Variants in DYRK1A observed in about 807,000 individuals in gnomAD.
DYRK1A encodes the protein dual specificity tyrosine-phosphorylation-regulated kinase 1A.
DYRK1A carries 9 observed loss-of-function variants against 79.7 expected under a neutral mutation model. That is an observed-to-expected ratio of 0.11 (90% CI 0.07 to 0.20). The LOEUF is 0.20. Ranked by LOEUF, DYRK1A falls within the 10% of genes least tolerant of loss-of-function variation. The probability of loss-of-function intolerance (pLI) is 1.00; values close to 1 mark genes in which losing one functional copy is unlikely to be tolerated. For synonymous variants in DYRK1A, 349 were observed against 329.7 expected, an observed-to-expected ratio of 1.06 and a Z score of -0.63; for missense variants, 622 against 956.0, an observed-to-expected ratio of 0.65 and a Z score of 4.61.
Position 37,523,776 on chromosome 21 carries a change from G to A in DYRK1A, c.*11245G>A, listed in dbSNP as rs1453276024. On this transcript the variant is annotated 3_prime_UTR_variant, in exon 12 of 12. Transcript: ENST00000647188. ...GAAATTATATGACATTTGAATTTCA[G>A]TGTCCATAAATGAAGTTTTATTGGA... 3 of 152,206 alleles carry A rather than the reference G, an allele frequency of 2.0e-5. No individual in the cohort carries two copies. The highest frequency in any genetic ancestry group is 4.4e-5 in the Non-Finnish European group (3 of 68,036). The allele number at this position is 152,206 out of a possible 1,614,324, so 9.4% of individuals were successfully genotyped here.
rs769854828 is a variant in DYRK1A at position 37,490,268 on chromosome 21, A to G, written c.731A>G (p.Asn244Ser). The G allele has an allele frequency of 2.5e-6, 4 of 1,613,838 alleles. No homozygotes were observed. The highest frequency in any genetic ancestry group is 1.1e-5 in the South Asian group (1 of 91,074). The part of the protein sequence containing the change: ...YNLYDLLRNT[N>S]FRGVSLNLTR... The stretch of plus-strand genomic sequence containing the variant: ...CTCTATGACTTGCTGAGAAACACCA[A>G]TTTCCGAGGGGTCTCTTTGAACCTA... Residue 244 changes from asparagine (N) to serine (S), a missense_variant, in exon 7 of 12, where the codon AAT becomes AGT. Physicochemically the swap from Asn to Ser is conservative, Grantham distance 46. Transcript: ENST00000647188.
At chr21:37,441,537 T>C (rs1286293450) in intron 2 of DYRK1A, among the ~76,000 whole-genome samples, 4 of 152,158 alleles carry the variant, frequency 2.6e-5, no homozygotes, top group Non-Finnish European at 5.9e-5. Flanking sequence ...TTTCTTCCTT[T>C]TATTGGTTTA....
chr21:37,513,030 A>C lies in DYRK1A; in HGVS notation c.*499A>C, dbSNP rs2053805325. On this transcript the variant is annotated 3_prime_UTR_variant, in exon 12 of 12. Coordinates refer to ENST00000647188, the MANE Select transcript of DYRK1A (RefSeq NM_001347721.2). ...ATTTGGGTTTTTAAGTCCTCTAAAC[A>C]CACTTGGGCACGGAAATGCAGTACT... The C allele has an allele frequency of 6.3e-6, 1 of 159,084 alleles. No homozygotes were observed. The highest frequency in any genetic ancestry group is 1.7e-4 in the South Asian group (1 of 5,776). The allele number at this position is 159,084 out of a possible 1,614,324, so 9.9% of individuals were successfully genotyped here.
In DYRK1A at chr21:37,490,263, C is replaced by T. The variant is rs748172487; in HGVS notation, c.726C>T (p.Asn242=). ...ACAACCTCTATGACTTGCTGAGAAA[C>T]ACCAATTTCCGAGGGGTCTCTTTGA... ...LSYNLYDLLR[N]TNFRGVSLNL... Residue 242 remains asparagine (N), a synonymous_variant, in exon 7 of 12, where the codon AAC becomes AAT. Coordinates refer to ENST00000647188, the MANE Select transcript of DYRK1A (RefSeq NM_001347721.2). 3.7e-6 allele frequency: 6 copies of T among 1,613,818 alleles called. No homozygotes were observed. The highest frequency in any genetic ancestry group is 5.1e-6 in the Non-Finnish European group (6 of 1,179,750).
chr21:37,428,247 C>G (rs1284230062), intron 2 of DYRK1A, among the ~76,000 whole-genome samples: 1 of 152,098 alleles, frequency 6.6e-6, no homozygotes, highest in Non-Finnish European at 1.5e-5. Flanking sequence ...TTCATGGTGT[C>G]GTTTTATACA....
At chr21:37,374,345 T>C (rs1221676739) in intron 1 of DYRK1A, among the ~76,000 whole-genome samples, 2 of 149,524 alleles carry the variant, frequency 1.3e-5, no homozygotes, top group Non-Finnish European at 3.0e-5. Flanking sequence ...ATTTACTATC[T>C]AGTATGTTCC....
rs112287644 is a variant in DYRK1A, at chr21:37,366,856, C to T, written c.-849C>T. On this transcript the variant is annotated 5_prime_UTR_variant, in exon 1 of 12. Transcript: ENST00000647188. ...CCGCCCGAATAATAATAAAAAGCCCCATTGGAGTGAGGCGGGGGTGGCGGC... is the reference window on the plus strand; with the variant it reads ...CCGCCCGAATAATAATAAAAAGCCCTATTGGAGTGAGGCGGGGGTGGCGGC... 2.6e-5 allele frequency: 4 copies of T among 152,902 alleles called. No homozygotes were observed. The highest frequency in any genetic ancestry group is 4.8e-5 in the African/African-American group (2 of 41,522). The allele number at this position is 152,902 out of a possible 1,614,324, so 9.5% of individuals were successfully genotyped here. A position where few individuals can be genotyped will look rare whatever the true frequency, so the allele number is the denominator to read the frequency against.
chr21:37,483,210 T>C (rs961314770), intron 5 of DYRK1A, among the ~76,000 whole-genome samples: 1 of 152,176 alleles, frequency 6.6e-6, no homozygotes, highest in Non-Finnish European at 1.5e-5. Context: ...GCGTAAGAAA[T>C]TATAAAAGTA....
chr21:37,506,283 T>C (rs759243932), intron 11 of DYRK1A, 60 bp downstream of exon 11: 3 of 1,613,434 alleles, frequency 1.9e-6, no homozygotes, highest in Non-Finnish European at 2.5e-6. Flanking sequence ...GGAGCAGCAC[T>C]GGATGCCAGG....
chr21:37,508,715 A>G (rs914294176), intron 11 of DYRK1A, among the ~76,000 whole-genome samples: 9 of 151,978 alleles, frequency 5.9e-5, no homozygotes, highest in Admixed American at 1.3e-4. Context: ...CTCTTCACTC[A>G]CCCTAGTCAC....
chr21:37,403,607 A>G (rs1010868022), intron 1 of DYRK1A, among the ~76,000 whole-genome samples: 1 of 149,576 alleles, frequency 6.7e-6, no homozygotes, highest in Non-Finnish European at 1.5e-5. Context: ...CTGGGACTAC[A>G]GGTGTGCCCC....
intron 1 of DYRK1A, among the ~76,000 whole-genome samples, chr21:37,374,371 G>A (rs935189775): frequency 2.7e-5 from 4 of 149,208 alleles, no homozygotes; most frequent in Non-Finnish European, 5.9e-5. Context: ...AATTCCTGTG[G>A]ATTTGAAAAA....
At chr21:37,464,784 A>G (rs907360133) in intron 2 of DYRK1A, among the ~76,000 whole-genome samples, 4 of 152,352 alleles carry the variant, frequency 2.6e-5, no homozygotes, top group Non-Finnish European at 2.9e-5. Flanking sequence ...ATAATACTTT[A>G]TATGATCATC....
intron 1 of DYRK1A, among the ~76,000 whole-genome samples, chr21:37,384,518 G>T (rs73216414): frequency 0.076 from 11,478 of 152,014 alleles, 647 homozygotes; most frequent in Non-Finnish European, 0.11. Flanking sequence ...CTTCAAAGAA[G>T]CAAACTAATC....
chr21:37,426,907 G>A (rs1163546672), intron 2 of DYRK1A, among the ~76,000 whole-genome samples: 1 of 115,186 alleles, frequency 8.7e-6, no homozygotes, highest in African/African-American at 3.6e-5. Flanking sequence ...GCTAAAGAGC[G>A]AGACTCGGTT....
chr21:37,398,300 C>T (rs1328006528), intron 1 of DYRK1A, among the ~76,000 whole-genome samples: 1 of 150,710 alleles, frequency 6.6e-6, no homozygotes. Context: ...TAGGATTGCA[C>T]CTCTGCCTTC....
intron 1 of DYRK1A, chr21:37,415,443 A>G (rs2050319462): frequency 6.6e-6 from 1 of 151,852 alleles, no homozygotes; most frequent in Non-Finnish European, 1.5e-5. Context: ...CCTTCCTTTC[A>G]GTTTGTCTCC....
At position 37,519,743 on chromosome 21, in the gene DYRK1A, T is replaced by TTTTTGTTTTGTTTTGTTTTG. The variant is rs1437217043; in HGVS notation, c.*7216_*7217insGTTTTGTTTTGTTTTGTTTT. ...TGAGGTTTGTTGTGGGAAGTTTTTTTTTTTTTTTTTTTTTTTGAGGCGGAG... is the reference window on the plus strand; with the variant it reads ...TGAGGTTTGTTGTGGGAAGTTTTTTTTTTTGTTTTGTTTTGTTTTGTTTTTTTTTTTTTTTTGAGGCGGAG... On this transcript the variant is annotated 3_prime_UTR_variant, in exon 12 of 12. Transcript: ENST00000647188. The TTTTTGTTTTGTTTTGTTTTG allele has an allele frequency of 9.5e-5, 7 of 73,404 alleles. No individual in the cohort carries two copies. The highest frequency in any genetic ancestry group is 4.4e-4 in the East Asian group (1 of 2,264). 4.5% of individuals were successfully genotyped at this position (73,404 alleles called of 1,614,324 possible).
At chr21:37,390,093 CT>C (rs969604924) in intron 1 of DYRK1A, among the ~76,000 whole-genome samples, 6 of 151,630 alleles carry the variant, frequency 4.0e-5, no homozygotes, top group African/African-American at 1.5e-4. Context: ...TCAGCCTTCA[CT>C]TTTGTTTTCA....
Sources: gnomAD v4.1 joint callset for allele counts (sites outside exome capture counted in the v4.1 genomes callset) on GRCh38, gnomAD v4.1.1 for gene constraint, MANE v1.5 for transcripts, NCBI Gene and HGNC (gene_info 2026-07-23, HGNC 2026-07-21) for gene names.